Variants in PCDH15 observed in about 807,000 individuals in gnomAD.
PCDH15 encodes protocadherin-15.
In PCDH15, 129 loss-of-function variants were observed where a neutral mutation model predicts 178.5. The observed-to-expected ratio is 0.72, with a 90% CI of 0.63 to 0.84. PCDH15 has a LOEUF of 0.84. PCDH15 is among the 40% of genes least tolerant of loss of function. PCDH15 has a pLI of 0.00. For synonymous variants in PCDH15, 800 were observed against 732.0 expected, an observed-to-expected ratio of 1.09 and a Z score of -1.50; for missense variants, 2,230 against 2,099.9, an observed-to-expected ratio of 1.06 and a Z score of -1.21.
At chr10:54,957,336 A>G (rs543899242) in intron 2 of PCDH15, among the ~76,000 whole-genome samples, 1 of 151,766 alleles carries the variant, frequency 6.6e-6, no homozygotes, top group South Asian at 2.1e-4. Flanking sequence ...AAAGTGTGGT[A>G]GTCATATAAC....
intron 2 of PCDH15, among the ~76,000 whole-genome samples, chr10:55,120,667 T>A (rs1477928962): frequency 6.6e-6 from 1 of 152,134 alleles, no homozygotes; most frequent in Non-Finnish European, 1.5e-5. Flanking sequence ...AATATATAAA[T>A]AAATAAAATA....
intron 15 of PCDH15, among the ~76,000 whole-genome samples, chr10:54,109,598 A>C (rs1564440437): frequency 6.6e-6 from 1 of 152,192 alleles, no homozygotes; most frequent in Non-Finnish European, 1.5e-5. Flanking sequence ...AGAAAGACAA[A>C]CTTTGCATGA....
chr10:54,094,368 G>A (rs1043383318), intron 15 of PCDH15, among the ~76,000 whole-genome samples: 1 of 152,114 alleles, frequency 6.6e-6, no homozygotes, highest in Non-Finnish European at 1.5e-5. Context: ...TGGAGAGCAG[G>A]GTGAGGATTT....
intron 3 of PCDH15, among the ~76,000 whole-genome samples, chr10:54,891,476 G>A (rs975171868): frequency 6.6e-6 from 1 of 152,062 alleles, no homozygotes; most frequent in African/African-American, 2.4e-5. Context: ...TAAAAGTGTG[G>A]TCTCTTCTTC....
chr10:54,876,586 C>T (rs1012162161), intron 3 of PCDH15, among the ~76,000 whole-genome samples: 9 of 152,030 alleles, frequency 5.9e-5, no homozygotes, highest in African/African-American at 2.2e-4. Context: ...GAACTTGATT[C>T]CAACTTCATG....
intron 10 of PCDH15, among the ~76,000 whole-genome samples, chr10:54,208,750 T>C (rs889962374): frequency 6.6e-6 from 1 of 152,094 alleles, no homozygotes; most frequent in Non-Finnish European, 1.5e-5. Flanking sequence ...TGTGCATGTG[T>C]GTTTGTGTGT....
At chr10:54,175,923 A>G (rs890794381) in intron 13 of PCDH15, among the ~76,000 whole-genome samples, 1 of 152,146 alleles carries the variant, frequency 6.6e-6, no homozygotes, top group African/African-American at 2.4e-5. Context: ...TACCTATGAT[A>G]TAGAATAACT....
At chr10:54,931,143 G>A (rs921091819) in intron 2 of PCDH15, among the ~76,000 whole-genome samples, 5 of 152,092 alleles carry the variant, frequency 3.3e-5, no homozygotes, top group African/African-American at 1.2e-4. Flanking sequence ...CCACATTTCT[G>A]AGCATTTGAA....
At chr10:54,269,734 A>G (rs1444651746) in intron 8 of PCDH15, among the ~76,000 whole-genome samples, 1 of 151,968 alleles carries the variant, frequency 6.6e-6, no homozygotes, top group Non-Finnish European at 1.5e-5. Context: ...ATTCTACTGC[A>G]ATTTTCTTAG....
intron 2 of PCDH15, among the ~76,000 whole-genome samples, chr10:54,941,545 AATAG>A (rs1270307839): frequency 6.6e-6 from 1 of 152,088 alleles, no homozygotes; most frequent in Non-Finnish European, 1.5e-5. Context: ...ACACATTTAG[AATAG>A]ATACTTTGAA....
chr10:55,361,545 A>G (rs1045579982), intron 2 of PCDH15, among the ~76,000 whole-genome samples: 1 of 152,034 alleles, frequency 6.6e-6, no homozygotes, highest in African/African-American at 2.4e-5. Flanking sequence ...TGATTTAAAA[A>G]GTTTCAAAAT....
intron 2 of PCDH15, among the ~76,000 whole-genome samples, chr10:55,152,879 TAC>T (rs1838772180): frequency 6.6e-6 from 1 of 151,936 alleles, no homozygotes; most frequent in Non-Finnish European, 1.5e-5. Flanking sequence ...TATGGACACA[TAC>T]ACACACACAA....
intron 7 of PCDH15, among the ~76,000 whole-genome samples, chr10:54,323,318 A>T (rs1292160846): frequency 6.6e-6 from 1 of 152,166 alleles, no homozygotes; most frequent in Non-Finnish European, 1.5e-5. Flanking sequence ...TTTCTCAAAG[A>T]ATTTAAAACC....
chr10:54,307,028 ATG>A (rs1218411712), intron 8 of PCDH15, among the ~76,000 whole-genome samples: 1,166 of 30,690 alleles, frequency 0.038, 118 homozygotes, highest in African/African-American at 0.058. Context: ...ATATATATAT[ATG>A]TGTGTGTGTG....
chr10:53,823,357 G>A, intron 32 of PCDH15: 1 of 1,612,098 alleles, frequency 6.2e-7, no homozygotes, highest in East Asian at 2.2e-5. Flanking sequence ...AGAAGGAAAA[G>A]ACTTGAAAGA....
Position 55,350,257 on chromosome 10 carries a change from A to G in PCDH15, c.-155-183606T>C, listed in dbSNP as rs1401956664. ...TATATATATATATATATATATATAT[A>G]TATATATATATACACACACACACAC... On this transcript the variant is annotated intron_variant, in intron 2 of 5. Coordinates refer to the PCDH15 transcript ENST00000613346. Among the ~76,000 whole-genome samples, 33 of 67,090 alleles carry G rather than the reference A, an allele frequency of 4.9e-4. 1 individual carries two copies. The East Asian group carries it at 0.012, about 24-fold the overall frequency. 44.0% of individuals were successfully genotyped at this position (67,090 alleles called of 152,430 possible). A position where few individuals can be genotyped will look rare whatever the true frequency, so the allele number is the denominator to read the frequency against.
intron 1 of PCDH15, among the ~76,000 whole-genome samples, chr10:54,776,229 A>T (rs117183179): frequency 0.057 from 8,612 of 152,184 alleles, 268 homozygotes; most frequent in Middle Eastern, 0.13. Context: ...TGCTGCAATA[A>T]ACATTGGGGT....
chr10:55,443,209 C>G (rs1458803578), intron 2 of PCDH15, among the ~76,000 whole-genome samples: 2 of 152,050 alleles, frequency 1.3e-5, no homozygotes, highest in Non-Finnish European at 2.9e-5. Context: ...TAGGCAATAC[C>G]ATTCAAGACA....
At chr10:54,537,475 G>T (rs1449164313) in intron 2 of PCDH15, among the ~76,000 whole-genome samples, 1 of 152,030 alleles carries the variant, frequency 6.6e-6, no homozygotes, top group African/African-American at 2.4e-5. Context: ...AAGGAACAAA[G>T]AAAACTATAG....
Sources: gnomAD v4.1 joint callset for allele counts (sites outside exome capture counted in the v4.1 genomes callset) on GRCh38, gnomAD v4.1.1 for gene constraint, MANE v1.5 for transcripts, NCBI Gene and HGNC (gene_info 2026-07-23, HGNC 2026-07-21) for gene names.